Variants in CDS1 observed in about 807,000 individuals in gnomAD.
The protein encoded by CDS1 is CDP-diacylglycerol synthase 1.
In CDS1, 41 loss-of-function variants were observed where a neutral mutation model predicts 62.1. The ratio of observed to expected loss-of-function variants is 0.66; its 90% CI spans 0.51 to 0.86. CDS1 has a LOEUF of 0.86. CDS1 is among the 40% of genes least tolerant of loss of function. CDS1 has a pLI of 0.00. For synonymous variants in CDS1, 185 were observed against 192.6 expected, an observed-to-expected ratio of 0.96 and a Z score of 0.32; for missense variants, 470 against 550.1, an observed-to-expected ratio of 0.85 and a Z score of 1.46.
At chr4:84,622,180 C>G (rs549371026) in intron 5 of CDS1, among the ~76,000 whole-genome samples, 1 of 152,120 alleles carries the variant, frequency 6.6e-6, no homozygotes, top group Non-Finnish European at 1.5e-5. Context: ...TTTAAGGTAA[C>G]AAGACTTCTG....
chr4:84,649,614 C>T lies in CDS1; in HGVS notation c.*928C>T, dbSNP rs6827228. ...TGCAGCAGAGCAGGAGATGCTTGCCCGAGTGGGAGCAACCCACCCCCGTGT... is the reference window on the plus strand; with the variant it reads ...TGCAGCAGAGCAGGAGATGCTTGCCTGAGTGGGAGCAACCCACCCCCGTGT... On this transcript the variant is annotated 3_prime_UTR_variant, in exon 13 of 13. Transcript: ENST00000295887. 30,059 of 152,126 alleles carry T rather than the reference C, an allele frequency of 0.2. 3,169 individuals are homozygous for T. The highest frequency in any genetic ancestry group is 0.36 in the South Asian group (1,750 of 4,822). 9.4% of individuals were successfully genotyped at this position (152,126 alleles called of 1,614,324 possible).
chr4:84,638,475 T>C (rs1168612877), intron 8 of CDS1, among the ~76,000 whole-genome samples: 1 of 152,200 alleles, frequency 6.6e-6, no homozygotes, highest in Non-Finnish European at 1.5e-5. Flanking sequence ...GTCCATGTTT[T>C]GTTGTACTGA....
chr4:84,619,044 T>TAC (rs33991933), intron 4 of CDS1, among the ~76,000 whole-genome samples: 40,570 of 140,624 alleles, frequency 0.29, 5,810 homozygotes, highest in Middle Eastern at 0.39. Context: ...ATTAAATTTA[T>TAC]ACACACACAC....
Position 84,648,923 on chromosome 4 carries a change from G to A in CDS1, c.*237G>A, listed in dbSNP as rs966885728. The A allele has an allele frequency of 2.8e-6, 1 of 353,400 alleles. No homozygotes were observed. The highest frequency in any genetic ancestry group is 5.1e-6 in the Non-Finnish European group (1 of 197,752). The allele number at this position is 353,400 out of a possible 1,614,324, so 21.9% of individuals were successfully genotyped here. ...CCTTTTCTAAAGTGTATTTTCTGAT[G>A]TGAACTTCCTTCCCCTTACTTGCTA... On this transcript the variant is annotated 3_prime_UTR_variant, in exon 13 of 13. Transcript: ENST00000295887.
intron 11 of CDS1, among the ~76,000 whole-genome samples, chr4:84,644,401 T>C (rs1724490190): frequency 6.6e-6 from 1 of 152,154 alleles, no homozygotes; most frequent in Non-Finnish European, 1.5e-5. Context: ...TTGGCAAAAA[T>C]TAACCAAAGA....
chr4:84,633,950 A>G lies in CDS1; in HGVS notation c.722+11A>G. On this transcript the variant is annotated intron_variant, in intron 7 of 12. Transcript: ENST00000295887. ...TGAAGGCATGATATGGTAAGGCAAC[A>G]GAATTATGCTGCTTTATAAGTATGT... is the stretch of plus-strand genomic sequence containing the variant. 6.6e-7 allele frequency: 1 copy of G among 1,519,570 alleles called. No individual in the cohort carries two copies. Among genetic ancestry groups the G allele is most frequent in the Non-Finnish European group, 9.1e-7 (1 of 1,100,636 alleles). 94.1% of individuals were successfully genotyped at this position (1,519,570 alleles called of 1,614,324 possible).
At chr4:84,591,058 C>T (rs949074459) in intron 1 of CDS1, among the ~76,000 whole-genome samples, 11 of 152,150 alleles carry the variant, frequency 7.2e-5, no homozygotes, top group Admixed American at 7.2e-4. Context: ...CTTTTTAACA[C>T]AAACAATATT....
intron 2 of CDS1, among the ~76,000 whole-genome samples, chr4:84,605,331 C>CA (rs1020519891): frequency 1.3e-5 from 2 of 151,956 alleles, no homozygotes; most frequent in African/African-American, 2.4e-5. Context: ...TGTTATTGAA[C>CA]AAAAAATGCT....
chr4:84,615,151 C>A (rs748783692), intron 3 of CDS1, among the ~76,000 whole-genome samples: 8 of 152,104 alleles, frequency 5.3e-5, no homozygotes, highest in Non-Finnish European at 8.8e-5. Context: ...TGTCTACTTT[C>A]CCAAGCCTTC....
chr4:84,589,724 T>C (rs1414425844), intron 1 of CDS1, among the ~76,000 whole-genome samples: 1 of 152,222 alleles, frequency 6.6e-6, no homozygotes, highest in Non-Finnish European at 1.5e-5. Flanking sequence ...GAGGAACACT[T>C]CCACAGAGCC....
intron 2 of CDS1, among the ~76,000 whole-genome samples, chr4:84,608,214 C>T (rs1723191101): frequency 6.6e-6 from 1 of 152,214 alleles, no homozygotes; most frequent in African/African-American, 2.4e-5. Flanking sequence ...CGCTCAGTCG[C>T]CCAGGCTGGA....
intron 10 of CDS1, among the ~76,000 whole-genome samples, chr4:84,642,573 AGC>A (rs1724418732): frequency 6.6e-6 from 1 of 152,218 alleles, no homozygotes; most frequent in Non-Finnish European, 1.5e-5. Flanking sequence ...GTTTTTCCAC[AGC>A]ATTCATCTTA....
chr4:84,591,244 G>A (rs970896719), intron 1 of CDS1, among the ~76,000 whole-genome samples: 3 of 152,038 alleles, frequency 2.0e-5, no homozygotes, highest in African/African-American at 4.8e-5. Context: ...TAAATACAGG[G>A]GTTTGGCATG....
chr4:84,607,582 AGCTAATATTTC>A (rs993734304), intron 2 of CDS1, among the ~76,000 whole-genome samples: 3 of 151,978 alleles, frequency 2.0e-5, no homozygotes, highest in African/African-American at 7.3e-5. Context: ...TTATGAAGGC[AGCTAATATTTC>A]TGTTCTAAGA....
chr4:84,616,848 G>A (rs1029110395), intron 3 of CDS1, among the ~76,000 whole-genome samples: 3 of 152,160 alleles, frequency 2.0e-5, no homozygotes, highest in Non-Finnish European at 4.4e-5. Context: ...CATCAAAAAG[G>A]GATTTATAAA....
At chr4:84,609,677 A>G (rs970566649) in intron 3 of CDS1, 152 bp downstream of exon 3, 3 of 604,490 alleles carry the variant, frequency 5.0e-6, no homozygotes, top group Non-Finnish European at 8.8e-6. Flanking sequence ...ATTTCATGAT[A>G]TGATCTAACT....
chr4:84,630,418 C>T (rs930220275), intron 5 of CDS1, among the ~76,000 whole-genome samples: 1 of 152,158 alleles, frequency 6.6e-6, no homozygotes, highest in Admixed American at 6.5e-5. Context: ...TATTCATTCT[C>T]TTCATTTTGT....
At chr4:84,601,951 ATACATACG>A (rs1560467465) in intron 1 of CDS1, among the ~76,000 whole-genome samples, 2 of 135,122 alleles carry the variant, frequency 1.5e-5, no homozygotes, top group East Asian at 2.4e-4. Flanking sequence ...ACATACATAC[ATACATACG>A]TACGTACATA....
chr4:84,597,892 C>T (rs1048176357), intron 1 of CDS1, among the ~76,000 whole-genome samples: 4 of 151,828 alleles, frequency 2.6e-5, no homozygotes, highest in East Asian at 2.0e-4. Flanking sequence ...TTTGGGAGGC[C>T]GAGGTGGGCA....
Sources: allele counts gnomAD v4.1 joint callset (sites outside exome capture counted in the v4.1 genomes callset), GRCh38; gene constraint gnomAD v4.1.1; transcripts MANE v1.5; gene names NCBI Gene and HGNC (gene_info 2026-07-23, HGNC 2026-07-21).